EZH2: variants seen among roughly 807,000 people sequenced by gnomAD.
EZH2 encodes histone-lysine N-methyltransferase EZH2.
Under a neutral mutation model 98.4 loss-of-function variants are expected in EZH2, and 18 were observed. The observed-to-expected ratio is 0.18, with a 90% CI of 0.13 to 0.27. EZH2 has a LOEUF of 0.27. EZH2 is among the 10% of genes least tolerant of loss of function. The pLI, the probability that EZH2 is intolerant of heterozygous loss-of-function variation, is 1.00. For missense variants in EZH2, 470 were observed against 935.1 expected (o/e 0.50, Z 6.49); for synonymous variants, 338 against 312.3 (o/e 1.08, Z -0.87).
At chr7:148,852,999 G>C (rs918320135) in intron 1 of EZH2, among the ~76,000 whole-genome samples, 2 of 152,120 alleles carry the variant, frequency 1.3e-5, no homozygotes, top group African/African-American at 4.8e-5. Context: ...CTTTAAACCA[G>C]CAGTCTCCAA....
Position 148,871,403 on chromosome 7 carries a change from TAAA to T in EZH2, c.-8+12758_-8+12760del, listed in dbSNP as rs71529646. Among the ~76,000 whole-genome samples, 12 of 88,730 alleles carry T rather than the reference TAAA, an allele frequency of 1.4e-4. No individual in the cohort carries two copies. In the South Asian group the frequency reaches 2.0e-3, roughly 15 times the overall value. 58.2% of individuals were successfully genotyped at this position (88,730 alleles called of 152,430 possible). A position where few individuals can be genotyped will look rare whatever the true frequency, so the allele number is the denominator to read the frequency against. ...TTCCAAAAAATAAAAGACGAATAATTAAAAAAAAAAAAAAAAAAAAAAGAAGAG... is the reference window on the plus strand; with the variant it reads ...TTCCAAAAAATAAAAGACGAATAATTAAAAAAAAAAAAAAAAAAAGAAGAG... On this transcript the variant is annotated intron_variant, in intron 1 of 19. Coordinates refer to ENST00000320356, the MANE Select transcript of EZH2 (RefSeq NM_004456.5).
At chr7:148,816,828 A>T (rs1200866649) in intron 11 of EZH2, 50 bp from the exon 12 acceptor site, 1 of 1,353,634 alleles carries the variant, frequency 7.4e-7, no homozygotes, top group Non-Finnish European at 1.1e-6. Context: ...TATTTAGGCA[A>T]ACCATTCTTA....
intron 3 of EZH2, among the ~76,000 whole-genome samples, chr7:148,844,992 A>G (rs1037014004): frequency 9.2e-5 from 14 of 152,066 alleles, no homozygotes; most frequent in African/African-American, 2.7e-4. Flanking sequence ...CTTCCTTATC[A>G]TGAAGATTAA....
At chr7:148,816,882 C>T in intron 11 of EZH2, 104 bp from the exon 12 acceptor site, 1 of 787,094 alleles carries the variant, frequency 1.3e-6, no homozygotes, top group Non-Finnish European at 2.2e-6. Flanking sequence ...TTCTGTGACA[C>T]TGCTAGATGC....
At chr7:148,854,586 T>C (rs1318866623) in intron 1 of EZH2, among the ~76,000 whole-genome samples, 2 of 152,238 alleles carry the variant, frequency 1.3e-5, no homozygotes, top group African/African-American at 2.4e-5. Context: ...ACTAAATTAA[T>C]AGCAGCAACT....
rs1455868932 is a variant in EZH2 at position 148,828,912 on chromosome 7, G to A, written c.485-32C>T. 2.5e-6 allele frequency: 4 copies of A among 1,571,686 alleles called. No homozygotes were observed. In the African/African-American group the frequency reaches 5.5e-5, roughly 21 times the overall value. On this transcript the variant is annotated intron_variant, in intron 5 of 19. Transcript: ENST00000320356. ...CGCATCAAATGTCAGAAACACACAG[G>A]AGAAGCAATAATGTCAAAAGTTTAT...
At chr7:148,823,412 T>C (rs1003275859) in intron 8 of EZH2, among the ~76,000 whole-genome samples, 1 of 152,140 alleles carries the variant, frequency 6.6e-6, no homozygotes, top group South Asian at 2.1e-4. Flanking sequence ...ATAAAGCTAA[T>C]AGCTACAATA....
chr7:148,808,134 C>G (rs1310672444), intron 19 of EZH2, among the ~76,000 whole-genome samples: 1 of 152,216 alleles, frequency 6.6e-6, no homozygotes, highest in Non-Finnish European at 1.5e-5. Flanking sequence ...GTTGCTCCCC[C>G]AGGTGAAGCA....
chr7:148,807,727 T>G, intron 19 of EZH2, 21 bp from the exon 20 acceptor site: 1 of 1,569,180 alleles, frequency 6.4e-7, no homozygotes. Flanking sequence ...AGGAAGGAGA[T>G]GTCCGCTGGA....
Position 148,816,665 on chromosome 7 carries a change from A to T in EZH2, c.1505+19T>A, listed in dbSNP as rs375481774. On this transcript the variant is annotated intron_variant, in intron 12 of 19. Transcript: ENST00000320356. ...TCTATCTATGTTGACTTCTCTAAGG[A>T]GCTTCATGACAGACTCACCGGTGTT... 3.7e-5 allele frequency: 59 copies of T among 1,589,918 alleles called. No homozygotes were observed. Among genetic ancestry groups the T allele is most frequent in the Non-Finnish European group, 5.0e-5 (58 of 1,158,172 alleles).
At chr7:148,873,070 C>A (rs1202422018) in intron 1 of EZH2, among the ~76,000 whole-genome samples, 1 of 152,086 alleles carries the variant, frequency 6.6e-6, no homozygotes, top group African/African-American at 2.4e-5. Flanking sequence ...ATAGTCCTAG[C>A]TACTTGGGAG....
intron 1 of EZH2, among the ~76,000 whole-genome samples, chr7:148,863,028 G>A (rs1817924207): frequency 6.7e-6 from 1 of 150,218 alleles, no homozygotes; most frequent in Admixed American, 6.7e-5. Context: ...AGGTTGCAGT[G>A]GGCCAAGATG....
chr7:148,830,831 G>A (rs1473961603), intron 4 of EZH2, among the ~76,000 whole-genome samples: 2 of 152,124 alleles, frequency 1.3e-5, no homozygotes, highest in Non-Finnish European at 2.9e-5. Flanking sequence ...TTTCAATGAA[G>A]AATAAAAATG....
rs1239594935 is a variant in EZH2 at position 148,828,814 on chromosome 7, T to C, written c.551A>G (p.Asp184Gly). 6.2e-7 allele frequency: 1 copy of C among 1,613,754 alleles called. No homozygotes were observed. Among genetic ancestry groups the C allele is most frequent in the Admixed American group, 1.7e-5 (1 of 59,996 alleles). The change falls in exon 6 of 20, where the codon GAT (aspartate) becomes GGT (glycine). Residue 184 changes from aspartate (D) to glycine (G), a missense_variant. Physicochemically the swap from Asp to Gly is moderately conservative, Grantham distance 94. Around this residue, in one of 6 missense-constraint regions of EZH2, gnomAD observed 69 missense variants for 78.3 expected, o/e 0.88. Coordinates refer to ENST00000320356, the MANE Select transcript of EZH2 (RefSeq NM_004456.5). ...ATCGTCTCCATCATCATCATCGTCA[T>C]CATCATTATATTGACCAAGGGCATT... ...LVNALGQYND[D>G]DDDDDGDDPE...
At chr7:148,827,122 T>TA (rs1334469541) in intron 7 of EZH2, 42 bp downstream of exon 7, 1 of 1,486,008 alleles carries the variant, frequency 6.7e-7, no homozygotes, top group African/African-American at 1.4e-5. Flanking sequence ...GTGAGTTACA[T>TA]ACCATACAGG....
Position 148,828,797 on chromosome 7 carries a change from C to T in EZH2, c.568G>A (p.Gly190Arg), listed in dbSNP as rs1808481008. 6.2e-6 allele frequency: 10 copies of T among 1,612,710 alleles called. No individual in the cohort carries two copies. Among genetic ancestry groups the T allele is most frequent in the Admixed American group, 1.7e-5 (1 of 59,926 alleles). Residue 190 changes from glycine to arginine, a missense_variant, in exon 6 of 20, where the codon GGA becomes AGA. By Grantham distance (125) the Gly-to-Arg change is moderately radical. Transcript: ENST00000320356. ...QYNDDDDDDD[G>R]DDPEEREEKQ... ...TCTTCTCTTTCTTCAGGATCGTCTC[C>T]ATCATCATCATCGTCATCATCATTA... is the stretch of plus-strand genomic sequence containing the variant.
intron 1 of EZH2, among the ~76,000 whole-genome samples, chr7:148,855,808 G>C (rs773853526): frequency 7.7e-5 from 11 of 143,258 alleles, no homozygotes; most frequent in Admixed American, 2.3e-4. Context: ...TGAGGCAGGA[G>C]AATCGCTTGA....
chr7:148,872,541 T>C (rs1819577015), intron 1 of EZH2, among the ~76,000 whole-genome samples: 2 of 152,220 alleles, frequency 1.3e-5, no homozygotes, highest in Non-Finnish European at 1.5e-5. Flanking sequence ...TACATGTATA[T>C]TAGGTACAGG....
At chr7:148,876,272 G>C (rs1309376063) in intron 1 of EZH2, 2 of 150,966 alleles carry the variant, frequency 1.3e-5, no homozygotes, top group Non-Finnish European at 2.9e-5. Context: ...GGGTGACAGA[G>C]CAAGACTCCA....
Sources: allele counts gnomAD v4.1 joint callset (sites outside exome capture counted in the v4.1 genomes callset), GRCh38; gene constraint gnomAD v4.1.1; regional missense constraint gnomAD v4.1.1; transcripts MANE v1.5; gene names NCBI Gene and HGNC (gene_info 2026-07-23, HGNC 2026-07-21).